THSD7B: variants seen among roughly 807,000 people sequenced by gnomAD.
THSD7B encodes thrombospondin type 1 domain containing 7B, also known as thrombospondin type-1 domain-containing protein 7B.
In THSD7B, 138 loss-of-function variants were observed where a neutral mutation model predicts 213.6. The observed-to-expected ratio is 0.65, with a 90% CI of 0.56 to 0.74. The LOEUF (loss-of-function observed/expected upper bound fraction) is 0.74. Among genes scored for constraint, THSD7B ranks in the 30% least tolerant of loss-of-function variants. The probability of loss-of-function intolerance (pLI) is 0.00; values close to 1 mark genes in which losing one functional copy is unlikely to be tolerated. For missense variants in THSD7B, 1,931 were observed against 1,991.5 expected, an observed-to-expected ratio of 0.97 and a Z score of 0.58; for synonymous variants, 742 against 687.0, an observed-to-expected ratio of 1.08 and a Z score of -1.25.
intron 4 of THSD7B, among the ~76,000 whole-genome samples, chr2:137,107,445 T>A (rs1688275309): frequency 1.3e-5 from 2 of 152,104 alleles, no homozygotes; most frequent in Admixed American, 1.3e-4. Context: ...AGATGATGGG[T>A]TGACAGGTGC....
At chr2:137,107,126 G>A (rs1030672745) in intron 4 of THSD7B, among the ~76,000 whole-genome samples, 5 of 152,068 alleles carry the variant, frequency 3.3e-5, no homozygotes, top group Non-Finnish European at 5.9e-5. Context: ...AATAACAAAG[G>A]CTTGGAACCA....
intron 12 of THSD7B, among the ~76,000 whole-genome samples, chr2:137,312,280 T>C (rs1477091758): frequency 6.6e-6 from 1 of 152,210 alleles, no homozygotes; most frequent in East Asian, 1.9e-4. Context: ...CTAGATTTTC[T>C]AGTTTATTTG....
intron 6 of THSD7B, among the ~76,000 whole-genome samples, chr2:137,166,000 G>A (rs891178421): frequency 6.6e-6 from 1 of 152,044 alleles, no homozygotes; most frequent in East Asian, 1.9e-4. Context: ...GTTTTATTGC[G>A]GAATAGAAGA....
chr2:137,343,341 T>C (rs1030097144), intron 12 of THSD7B, among the ~76,000 whole-genome samples: 5 of 151,772 alleles, frequency 3.3e-5, no homozygotes, highest in African/African-American at 1.2e-4. Flanking sequence ...TTCTGTTTCT[T>C]CATGATTCAG....
chr2:137,105,556 G>C (rs1403945417), intron 4 of THSD7B, among the ~76,000 whole-genome samples: 1 of 152,038 alleles, frequency 6.6e-6, no homozygotes, highest in Non-Finnish European at 1.5e-5. Context: ...TTCTGGCCAG[G>C]GCAATCAGGC....
intron 17 of THSD7B, among the ~76,000 whole-genome samples, chr2:137,606,652 T>G (rs1402149526): frequency 3.3e-5 from 5 of 152,130 alleles, no homozygotes; most frequent in Non-Finnish European, 1.5e-5. Flanking sequence ...GGAGTCTCAT[T>G]CCAGATATTA....
chr2:136,771,846 C>T (rs1350348381), intron 1 of THSD7B, among the ~76,000 whole-genome samples: 1 of 151,982 alleles, frequency 6.6e-6, no homozygotes, highest in Non-Finnish European at 1.5e-5. Context: ...AGAGTAGGGG[C>T]CTGGGTAATA....
At chr2:137,617,748 A>C (rs1157089226) in intron 18 of THSD7B, among the ~76,000 whole-genome samples, 1 of 152,170 alleles carries the variant, frequency 6.6e-6, no homozygotes, top group Non-Finnish European at 1.5e-5. Flanking sequence ...GGAGGCTGGA[A>C]GTCCAAAATC....
chr2:137,299,940 G>A (rs1048770098), intron 12 of THSD7B, among the ~76,000 whole-genome samples: 1 of 152,018 alleles, frequency 6.6e-6, no homozygotes, highest in East Asian at 1.9e-4. Flanking sequence ...TTATACATCT[G>A]TTCTCTCAAT....
At chr2:136,934,444 A>G (rs1389585852) in intron 2 of THSD7B, among the ~76,000 whole-genome samples, 1 of 152,214 alleles carries the variant, frequency 6.6e-6, no homozygotes, top group African/African-American at 2.4e-5. Flanking sequence ...TCTCATTTCC[A>G]GTAAAAATAA....
At chr2:137,195,251 T>TATACAC (rs34357255) in intron 7 of THSD7B, among the ~76,000 whole-genome samples, 164 of 150,100 alleles carry the variant, frequency 1.1e-3, no homozygotes, top group Non-Finnish European at 1.9e-3. Context: ...TATATATATA[T>TATACAC]ACACACACAC....
chr2:137,374,238 T>A (rs1196792433), intron 12 of THSD7B, among the ~76,000 whole-genome samples: 1 of 152,166 alleles, frequency 6.6e-6, no homozygotes, highest in Middle Eastern at 3.2e-3. Flanking sequence ...TTAAAGCACA[T>A]CCTTTCTTTC....
chr2:137,311,360 C>A (rs1017895003), intron 12 of THSD7B, among the ~76,000 whole-genome samples: 1 of 151,944 alleles, frequency 6.6e-6, no homozygotes, highest in African/African-American at 2.4e-5. Context: ...GATTTTGTAT[C>A]CTGAGACTTT....
chr2:137,469,864 A>C, intron 15 of THSD7B, among the ~76,000 whole-genome samples: 1 of 152,220 alleles, frequency 6.6e-6, no homozygotes, highest in East Asian at 1.9e-4. Flanking sequence ...TTGGACTACT[A>C]TGATGGGGAA....
intron 5 of THSD7B, among the ~76,000 whole-genome samples, chr2:137,157,077 T>C (rs1304698381): frequency 6.6e-6 from 1 of 152,230 alleles, no homozygotes. Context: ...TTACTCACCA[T>C]TGTAGCTTAA....
intron 15 of THSD7B, among the ~76,000 whole-genome samples, chr2:137,465,519 T>C (rs1233140288): frequency 6.6e-6 from 1 of 152,106 alleles, no homozygotes; most frequent in Admixed American, 6.6e-5. Flanking sequence ...AGACTGAGAA[T>C]TGCTGTCTAA....
intron 16 of THSD7B, 122 bp downstream of exon 16, chr2:137,563,476 T>G: frequency 1.5e-6 from 2 of 1,299,836 alleles, no homozygotes; most frequent in Non-Finnish European, 2.1e-6. Context: ...TCTGGTTTTT[T>G]CTCATCTTTG....
chr2:136,831,178 T>C (rs1424348004), intron 1 of THSD7B, among the ~76,000 whole-genome samples: 1 of 151,020 alleles, frequency 6.6e-6, no homozygotes, highest in African/African-American at 2.4e-5. Flanking sequence ...GGGATTTTCA[T>C]CCTCTTTTCA....
intron 12 of THSD7B, among the ~76,000 whole-genome samples, chr2:137,348,369 T>A (rs1684925524): frequency 6.6e-6 from 1 of 151,716 alleles, no homozygotes; most frequent in African/African-American, 2.4e-5. Flanking sequence ...TTTTGTGTGT[T>A]TTCTCTGGTT....
Sources: gnomAD v4.1 joint callset for allele counts (sites outside exome capture counted in the v4.1 genomes callset) on GRCh38, gnomAD v4.1.1 for gene constraint, MANE v1.5 for transcripts, NCBI Gene and HGNC (gene_info 2026-07-23, HGNC 2026-07-21) for gene names.